ADGRE2: variants seen among roughly 807,000 people sequenced by gnomAD.
The protein encoded by ADGRE2 is adhesion G protein-coupled receptor E2.
A neutral mutation model predicts 100.8 loss-of-function variants in ADGRE2; 83 were observed. The observed-to-expected ratio is 0.82, with a 90% CI of 0.69 to 0.99. The LOEUF (loss-of-function observed/expected upper bound fraction) is 0.99. Among genes scored for constraint, ADGRE2 ranks in the 50% least tolerant of loss-of-function variants. ADGRE2 has a pLI of 0.00. For synonymous variants in ADGRE2, 355 were observed against 413.0 expected (o/e 0.86, Z 1.70); for missense variants, 814 against 1,035.7 (o/e 0.79, Z 2.94).
At chr19:14,730,006 A>G (rs191953499), downstream of ADGRE2, among the ~76,000 whole-genome samples, 46 of 152,302 alleles carry the variant, frequency 3.0e-4, no homozygotes, top group African/African-American at 1.1e-3. Flanking sequence ...TGACTACTTT[A>G]GCCAAAAAGA....
chr19:14,773,326 C>T (rs2044292135), intron 4 of ADGRE2, among the ~76,000 whole-genome samples: 1 of 148,416 alleles, frequency 6.7e-6, no homozygotes, highest in African/African-American at 2.5e-5. Flanking sequence ...CCCTCCCTCC[C>T]TCCTTTCCTT....
chr19:14,769,521 T>C (rs1355570577), intron 5 of ADGRE2, among the ~76,000 whole-genome samples: 1 of 152,110 alleles, frequency 6.6e-6, no homozygotes. Flanking sequence ...AGCCCTTCCC[T>C]GAGCTGAGGC....
chr19:14,751,673 T>C lies in ADGRE2; in HGVS notation c.1789-2A>G, dbSNP rs1359679954. On this transcript the variant is annotated splice_acceptor_variant, in intron 15 of 20. Transcript: ENST00000315576. LOFTEE classifies it high-confidence loss of function. ...ACCGGCGATGATGGAGCACAGCACC[T>C]GGCGGAGAAGTAAAAGACGCCCAGA... is the stretch of plus-strand genomic sequence containing the variant. 3 of 1,611,886 alleles carry C rather than the reference T, an allele frequency of 1.9e-6. No homozygotes were observed. Among genetic ancestry groups the C allele is most frequent in the Non-Finnish European group, 2.5e-6 (3 of 1,178,288 alleles).
intron 14 of ADGRE2, among the ~76,000 whole-genome samples, 183 bp downstream of exon 14, chr19:14,754,771 G>T (rs912518198): frequency 1.3e-5 from 2 of 152,308 alleles, no homozygotes; most frequent in African/African-American, 4.8e-5. Context: ...GGCAGCCCTG[G>T]GGGTGGGGTG....
chr19:14,748,608 A>T (rs1027164391), intron 16 of ADGRE2, among the ~76,000 whole-genome samples: 28 of 152,036 alleles, frequency 1.8e-4, no homozygotes, highest in Admixed American at 1.7e-3. Context: ...CACCCGGCCG[A>T]TCTCCTTATT....
chr19:14,755,922 C>T (rs377386177), intron 12 of ADGRE2, 45 bp from the exon 13 acceptor site: 1 of 1,538,360 alleles, frequency 6.5e-7, no homozygotes, highest in East Asian at 2.3e-5. Context: ...GGTTGAATCT[C>T]TGGGTCCACA....
chr19:14,728,188 G>C (rs375455306), downstream of ADGRE2, among the ~76,000 whole-genome samples: 113 of 152,346 alleles, frequency 7.4e-4, 2 homozygotes, highest in Middle Eastern at 3.4e-3. Flanking sequence ...ACTCCAGCCT[G>C]GGCGACAGAG....
chr19:14,769,046 A>G (rs2044095932), intron 5 of ADGRE2: 1 of 152,260 alleles, frequency 6.6e-6, no homozygotes, highest in South Asian at 2.1e-4. Flanking sequence ...TGCACCACGC[A>G]GTGAGCTCAT....
At chr19:14,731,438 C>T (rs1239793414), downstream of ADGRE2, 1 of 530,702 alleles carries the variant, frequency 1.9e-6, no homozygotes. Flanking sequence ...GAGACTAAGG[C>T]CTGTGTGGGT....
intron 5 of ADGRE2, among the ~76,000 whole-genome samples, chr19:14,770,519 G>T (rs1232101517): frequency 6.6e-6 from 1 of 151,848 alleles, no homozygotes; most frequent in South Asian, 2.1e-4. Flanking sequence ...TGACCACCAC[G>T]TACAGTTGTG....
chr19:14,756,417 CTT>C, intron 11 of ADGRE2, 72 bp from the exon 12 acceptor site: 1 of 914,320 alleles, frequency 1.1e-6, no homozygotes, highest in Non-Finnish European at 1.8e-6. Flanking sequence ...TATACTATGA[CTT>C]AATATATATA....
chr19:14,766,451 C>G (rs528249854), intron 6 of ADGRE2, 70 bp from the exon 7 acceptor site: 1 of 1,475,702 alleles, frequency 6.8e-7, no homozygotes. Context: ...TCACTGCACC[C>G]ACTCCCCTAT....
intron 5 of ADGRE2, 146 bp downstream of exon 5, chr19:14,772,196 A>T: frequency 8.3e-7 from 1 of 1,203,768 alleles, no homozygotes; most frequent in Non-Finnish European, 1.2e-6. Context: ...TGGGCTGGCG[A>T]AACAGGTACA....
chr19:14,772,415 G>C lies in ADGRE2; in HGVS notation c.282C>G (p.Cys94Trp). Residue 94 changes from cysteine (C) to tryptophan (W), a missense_variant, in exon 5 of 21, where the codon TGC (cysteine) becomes TGG (tryptophan). Cys to Trp is a radical substitution (Grantham distance 215, BLOSUM62 -2). Coordinates refer to ENST00000315576, the MANE Select transcript of ADGRE2 (RefSeq NM_013447.4). The stretch of plus-strand genomic sequence containing the variant: ...CAGGCTCATATCCTGGGCTGCACAC[G>C]CAGTCGTAGCTCCCCTCTGTGTTCC... ...DCWNTEGSYD[C>W]VCSPGYEPVS... The C allele has an allele frequency of 6.2e-7, 1 of 1,614,026 alleles. No homozygotes were observed. Among genetic ancestry groups the C allele is most frequent in the Non-Finnish European group, 8.5e-7 (1 of 1,180,030 alleles).
intron 2 of ADGRE2, among the ~76,000 whole-genome samples, chr19:14,775,259 C>T (rs1305710165): frequency 2.0e-5 from 3 of 152,076 alleles, no homozygotes; most frequent in Admixed American, 6.6e-5. Context: ...CCCGCCTTGG[C>T]CTCTCAAAGT....
In ADGRE2 at chr19:14,755,723, G is replaced by A. The variant is rs766133520; in HGVS notation, c.1347C>T (p.Ile449=). ...DGSPILLSDV[I]SAFLSNNDTQ... is the part of the protein sequence containing the mutation. Reference sequence around the variant, plus strand: ...TGTCGTTGTTGCTCAGAAAGGCAGAGATCACATCTGAGAGCAGGATGGGGG... The same window carrying A: ...TGTCGTTGTTGCTCAGAAAGGCAGAAATCACATCTGAGAGCAGGATGGGGG... Residue 449 remains isoleucine, a synonymous_variant, in exon 13 of 21, where the codon ATC becomes ATT. Transcript: ENST00000315576. 5.0e-6 allele frequency: 8 copies of A among 1,614,088 alleles called. No homozygotes were observed. The Admixed American group carries it at 1.3e-4, about 27-fold the overall frequency.
At chr19:14,737,997 T>C (rs2042809895) in intron 20 of ADGRE2, among the ~76,000 whole-genome samples, 1 of 151,406 alleles carries the variant, frequency 6.6e-6, no homozygotes, top group Non-Finnish European at 1.5e-5. Flanking sequence ...AAAAAAGTTG[T>C]ATCTGAAGTA....
rs552849322 is a variant in ADGRE2 at position 14,776,613 on chromosome 19, C to G, written c.31+113G>C. The G allele has an allele frequency of 4.8e-6, 6 of 1,262,844 alleles. No individual in the cohort carries two copies. In the Admixed American group the frequency reaches 6.3e-5, roughly 13 times the overall value. The allele number at this position is 1,262,844 out of a possible 1,614,324, so 78.2% of individuals were successfully genotyped here. A position where few individuals can be genotyped will look rare whatever the true frequency, so the allele number is the denominator to read the frequency against. ...AGTGCCTGCTTGACCATGTGGCTTTCTCCATCGCCGGCCCCACAGACACCA... is the reference window on the plus strand; with the variant it reads ...AGTGCCTGCTTGACCATGTGGCTTTGTCCATCGCCGGCCCCACAGACACCA... On this transcript the variant is annotated intron_variant, in intron 2 of 20. Coordinates refer to ENST00000315576, the MANE Select transcript of ADGRE2 (RefSeq NM_013447.4).
At chr19:14,750,468 G>A (rs943101969) in intron 16 of ADGRE2, among the ~76,000 whole-genome samples, 9 of 152,044 alleles carry the variant, frequency 5.9e-5, no homozygotes, top group African/African-American at 1.9e-4. Flanking sequence ...ATACATTAAT[G>A]AGGACAGAGT....
Sources: gnomAD v4.1 joint callset for allele counts (sites outside exome capture counted in the v4.1 genomes callset) on GRCh38, gnomAD v4.1.1 for gene constraint, MANE v1.5 for transcripts, NCBI Gene and HGNC (gene_info 2026-07-23, HGNC 2026-07-21) for gene names.